Variants in SGTB observed in about 807,000 individuals in gnomAD.
The protein encoded by SGTB is small glutamine-rich tetratricopeptide repeat-containing protein beta.
A neutral mutation model predicts 43.9 loss-of-function variants in SGTB; 19 were observed. That is an observed-to-expected ratio of 0.43 (90% confidence interval 0.30 to 0.63). SGTB has a LOEUF of 0.63. Among genes scored for constraint, SGTB ranks in the 30% least tolerant of loss-of-function variants. The pLI is 0.12. For synonymous variants in SGTB, 116 were observed against 117.3 expected (o/e 0.99, Z 0.07); for missense variants, 304 against 358.9 (o/e 0.85, Z 1.24).
At chr5:65,697,609 G>A (rs887009244) in intron 5 of SGTB, among the ~76,000 whole-genome samples, 1 of 152,168 alleles carries the variant, frequency 6.6e-6, no homozygotes, top group Non-Finnish European at 1.5e-5. Flanking sequence ...CCACAGCTAA[G>A]AGGATTCATT....
chr5:65,720,950 C>CTGTA (rs1201802683), intron 1 of SGTB, 121 bp from the exon 2 acceptor site: 1 of 970,410 alleles, frequency 1.0e-6, no homozygotes, highest in Admixed American at 3.2e-5. Context: ...AAACACAAAA[C>CTGTA]TGTATGACCT....
Position 65,666,114 on chromosome 5 carries a change from A to C in SGTB, c.*4132T>G, listed in dbSNP as rs1317545786. 6.6e-6 allele frequency: 1 copy of C among 152,588 alleles called. No homozygotes were observed. The highest frequency in any genetic ancestry group is 2.4e-5 in the African/African-American group (1 of 41,460). 9.5% of individuals were successfully genotyped at this position (152,588 alleles called of 1,614,324 possible). On this transcript the variant is annotated 3_prime_UTR_variant, in exon 11 of 11. Coordinates refer to ENST00000381007, the MANE Select transcript of SGTB (RefSeq NM_019072.3). ...CAAAATGATTAAGATTAAATGATGA[A>C]ATAATATTTTATAGCCACTGCATTG...
chr5:65,675,430 A>G (rs1434030933), intron 8 of SGTB, among the ~76,000 whole-genome samples: 2 of 152,140 alleles, frequency 1.3e-5, no homozygotes, highest in Non-Finnish European at 2.9e-5. Context: ...TCCTGTGCCA[A>G]TCTCATGAAA....
At chr5:65,703,553 A>G (rs1002939220) in intron 5 of SGTB, among the ~76,000 whole-genome samples, 1 of 151,764 alleles carries the variant, frequency 6.6e-6, no homozygotes, top group Admixed American at 6.6e-5. Context: ...CCACCAAAAA[A>G]AACAAAAATA....
At chr5:65,721,585 A>G (rs1460481415) in intron 1 of SGTB, among the ~76,000 whole-genome samples, 1 of 152,136 alleles carries the variant, frequency 6.6e-6, no homozygotes, top group Non-Finnish European at 1.5e-5. Flanking sequence ...AGGTTCCCTA[A>G]TTCAAAGCCA....
At chr5:65,671,031 C>G (rs1757144173) in intron 10 of SGTB, among the ~76,000 whole-genome samples, 1 of 152,188 alleles carries the variant, frequency 6.6e-6, no homozygotes, top group Non-Finnish European at 1.5e-5. Context: ...AGTAGTTCCT[C>G]TAAGTGTTGA....
chr5:65,703,391 G>A, intron 5 of SGTB, among the ~76,000 whole-genome samples: 1 of 152,186 alleles, frequency 6.6e-6, no homozygotes, highest in Admixed American at 6.6e-5. Flanking sequence ...GGTAAAACCA[G>A]TGAACAAAGG....
intron 8 of SGTB, among the ~76,000 whole-genome samples, chr5:65,677,286 T>C (rs1055719156): frequency 2.6e-5 from 4 of 151,116 alleles, no homozygotes; most frequent in African/African-American, 7.3e-5. Flanking sequence ...CAGGAAGAAA[T>C]TGAATCCCTG....
chr5:65,694,196 G>A (rs918888228), intron 5 of SGTB, among the ~76,000 whole-genome samples: 1 of 151,950 alleles, frequency 6.6e-6, no homozygotes, highest in Non-Finnish European at 1.5e-5. Context: ...TTGGGAGGCC[G>A]AGACGGGTGG....
chr5:65,720,343 A>G (rs1176595271), intron 2 of SGTB, among the ~76,000 whole-genome samples: 1 of 151,894 alleles, frequency 6.6e-6, no homozygotes, highest in African/African-American at 2.4e-5. Flanking sequence ...CGGCCTCCCA[A>G]AGTGCTGGGA....
At chr5:65,675,323 C>A (rs1315171077) in intron 8 of SGTB, among the ~76,000 whole-genome samples, 2 of 152,126 alleles carry the variant, frequency 1.3e-5, no homozygotes, top group Admixed American at 6.5e-5. Flanking sequence ...GCTAGGGAAC[C>A]ACAATGGCCA....
intron 3 of SGTB, among the ~76,000 whole-genome samples, 158 bp downstream of exon 3, chr5:65,712,803 T>C (rs1579886027): frequency 6.6e-6 from 1 of 152,356 alleles, no homozygotes; most frequent in East Asian, 1.9e-4. Flanking sequence ...AAATGAGTTA[T>C]ATTTTAGATA....
chr5:65,683,952 A>G (rs1308481010), intron 6 of SGTB, among the ~76,000 whole-genome samples: 1 of 151,986 alleles, frequency 6.6e-6, no homozygotes, highest in African/African-American at 2.4e-5. Context: ...TCTCAAAAAA[A>G]AAAAAAGAAA....
chr5:65,720,482 T>C (rs1461377948), intron 2 of SGTB, among the ~76,000 whole-genome samples: 1 of 152,214 alleles, frequency 6.6e-6, no homozygotes, highest in Non-Finnish European at 1.5e-5. Context: ...TTCTGACATA[T>C]AGTATTTGTT....
At chr5:65,712,241 T>A (rs1162347049) in intron 3 of SGTB, among the ~76,000 whole-genome samples, 1 of 152,144 alleles carries the variant, frequency 6.6e-6, no homozygotes, top group Non-Finnish European at 1.5e-5. Context: ...ACCACTAGAC[T>A]GCAGGCTGGG....
chr5:65,701,600 C>T (rs911573284), intron 5 of SGTB, among the ~76,000 whole-genome samples: 1 of 151,556 alleles, frequency 6.6e-6, no homozygotes, highest in African/African-American at 2.4e-5. Context: ...GATATAGCAG[C>T]CATAAGCCAT....
intron 3 of SGTB, among the ~76,000 whole-genome samples, chr5:65,710,794 A>C (rs1279634618): frequency 1.3e-5 from 2 of 152,116 alleles, no homozygotes; most frequent in East Asian, 3.9e-4. Flanking sequence ...GTTCAACACC[A>C]GCCTGCCCAA....
At chr5:65,721,120 T>G (rs1758266228) in intron 1 of SGTB, among the ~76,000 whole-genome samples, 1 of 152,232 alleles carries the variant, frequency 6.6e-6, no homozygotes, top group African/African-American at 2.4e-5. Flanking sequence ...AGACTGTCAC[T>G]GCATATCTCA....
chr5:65,705,882 C>T (rs1369046025), intron 4 of SGTB, among the ~76,000 whole-genome samples: 1 of 145,490 alleles, frequency 6.9e-6, no homozygotes, highest in Admixed American at 6.8e-5. Flanking sequence ...AAAAAAAACA[C>T]AAAAATTAGC....
Sources: allele counts gnomAD v4.1 joint callset (sites outside exome capture counted in the v4.1 genomes callset), GRCh38; gene constraint gnomAD v4.1.1; transcripts MANE v1.5; gene names NCBI Gene and HGNC (gene_info 2026-07-23, HGNC 2026-07-21).